The following PCDHGB4 variants were observed in gnomAD, a reference collection of about 807,000 sequenced individuals.
PCDHGB4 encodes the protein protocadherin gamma-B4.
In PCDHGB4, 38 loss-of-function variants were observed where a neutral mutation model predicts 60.5. The observed-to-expected ratio is 0.63, with a 90% confidence interval of 0.48 to 0.82. PCDHGB4 has a LOEUF of 0.82. Among genes scored for constraint, PCDHGB4 ranks in the 40% least tolerant of loss-of-function variants. PCDHGB4 has a pLI of 0.00. For synonymous variants in PCDHGB4, 456 were observed against 509.7 expected, an observed-to-expected ratio of 0.89 and a Z score of 1.42; for missense variants, 1,109 against 1,209.6, an observed-to-expected ratio of 0.92 and a Z score of 1.23.
At chr5:141,488,070 C>A (rs777154469) in intron 1 of PCDHGB4, among the ~76,000 whole-genome samples, 3 of 152,076 alleles carry the variant, frequency 2.0e-5, no homozygotes, top group Non-Finnish European at 1.5e-5. Context: ...TCTTTGTCTC[C>A]CAGTATCTAG....
rs373386803 is a variant in PCDHGB4 at position 141,388,721 on chromosome 5, C to A, written c.837C>A (p.Phe279Leu). ...AGGGTGTCAATGCCGAGATTACTTT[C>A]TCTTTCAGTGAAGCTAGCCAGATCA... ...QDEGVNAEIT[F>L]SFSEASQITQ... The change falls in exon 1 of 4, where the codon TTC becomes TTA. Residue 279 changes from phenylalanine to leucine, a missense_variant. This residue lies in a region of PCDHGB4 where 1,068 missense variants were observed against 1,089.9 expected (regional missense o/e 0.98). Transcript: ENST00000519479. The A allele has an allele frequency of 2.0e-5, 33 of 1,613,884 alleles. No homozygotes were observed. Among genetic ancestry groups the A allele is most frequent in the Non-Finnish European group, 2.7e-5 (32 of 1,179,904 alleles).
At chr5:141,497,020 C>T (rs138768677) in intron 2 of PCDHGB4, among the ~76,000 whole-genome samples, 8 of 152,122 alleles carry the variant, frequency 5.3e-5, no homozygotes, top group African/African-American at 1.7e-4. Flanking sequence ...GAAACCCCAT[C>T]TCGATTAAAA....
chr5:141,391,570 A>G (rs931571256), intron 1 of PCDHGB4: 4 of 152,236 alleles, frequency 2.6e-5, no homozygotes, highest in African/African-American at 7.2e-5. Context: ...TGCATAAGAA[A>G]ATATATTCAC....
intron 1 of PCDHGB4, among the ~76,000 whole-genome samples, chr5:141,488,554 T>C (rs1313975033): frequency 6.6e-6 from 1 of 152,064 alleles, no homozygotes; most frequent in African/African-American, 2.4e-5. Context: ...CAGCTGACAT[T>C]GAGATTTCCG....
chr5:141,389,635 A>G lies in PCDHGB4; in HGVS notation c.1751A>G (p.Tyr584Cys). ...DMVPHAAEPG[Y>C]LVTKVVAVDA... ...GTGCCGCACGCTGCAGAGCCTGGCT[A>G]CTTGGTGACCAAGGTAGTGGCGGTG... The change falls in exon 1 of 4, where the codon TAC becomes TGC. Residue 584 changes from tyrosine to cysteine, a missense_variant. Coordinates refer to ENST00000519479, the MANE Select transcript of PCDHGB4 (RefSeq NM_003736.4). 6.2e-7 allele frequency: 1 copy of G among 1,612,978 alleles called. No individual in the cohort carries two copies. The highest frequency in any genetic ancestry group is 8.5e-7 in the Non-Finnish European group (1 of 1,179,860).
chr5:141,421,054 A>C, intron 1 of PCDHGB4: 2 of 571,978 alleles, frequency 3.5e-6, no homozygotes, highest in Non-Finnish European at 6.0e-6. Context: ...CGCCTCTACC[A>C]CACAAAGCGG....
intron 1 of PCDHGB4, chr5:141,398,054 A>G (rs372627681): frequency 9.0e-5 from 136 of 1,518,912 alleles, no homozygotes; most frequent in Non-Finnish European, 1.0e-4. Context: ...CGGAGATCCA[A>G]AAATCTACAA....
intron 1 of PCDHGB4, chr5:141,442,112 C>CTCG (rs2098300474): frequency 6.0e-6 from 1 of 166,158 alleles, no homozygotes; most frequent in Admixed American, 6.5e-5. Context: ...ACTACCGCCC[C>CTCG]TCGTCGCCGA....
At chr5:141,408,059 C>T in intron 1 of PCDHGB4, 1 of 1,317,324 alleles carries the variant, frequency 7.6e-7, no homozygotes, top group Non-Finnish European at 1.0e-6. Flanking sequence ...AGCCTCCCGG[C>T]TGCGCAGACC....
At position 141,489,562 on chromosome 5, in the gene PCDHGB4, G is replaced by A. The variant is rs770734883; in HGVS notation, c.2398-5245G>A. ...CACCAGCTGCCTGCTGCCAGTGCAG[G>A]TGGTGACTGAACACCCCCTGGAGCT... On this transcript the variant is annotated intron_variant, in intron 1 of 3. Coordinates refer to ENST00000519479, the MANE Select transcript of PCDHGB4 (RefSeq NM_003736.4). The surrounding 1 kb of genome is among the most constrained non-coding windows in gnomAD (Gnocchi z 4.5). 2 of 1,614,114 alleles carry A rather than the reference G, an allele frequency of 1.2e-6. No homozygotes were observed. Among genetic ancestry groups the A allele is most frequent in the Non-Finnish European group, 1.7e-6 (2 of 1,180,028 alleles).
At chr5:141,404,521 G>A in intron 1 of PCDHGB4, 2 of 1,613,976 alleles carry the variant, frequency 1.2e-6, no homozygotes, top group Non-Finnish European at 1.7e-6. Flanking sequence ...TTGACTATGA[G>A]CAGTTTAGAG....
chr5:141,409,270 T>A (rs761773360), intron 1 of PCDHGB4: 6 of 1,613,996 alleles, frequency 3.7e-6, no homozygotes, highest in Non-Finnish European at 4.2e-6. Flanking sequence ...CTGATCAGAT[T>A]TTGGAGAATT....
At chr5:141,421,718 G>C (rs778263773) in intron 1 of PCDHGB4, 1 of 1,613,966 alleles carries the variant, frequency 6.2e-7, no homozygotes, top group Middle Eastern at 1.7e-4. Context: ...CCAGATGTGG[G>C]CGTGAACTCC....
chr5:141,412,805 A>G (rs2095578499), intron 1 of PCDHGB4, among the ~76,000 whole-genome samples: 1 of 152,246 alleles, frequency 6.6e-6, no homozygotes, highest in Non-Finnish European at 1.5e-5. Context: ...ACCTCCCCTA[A>G]GAAACCTACA....
chr5:141,425,943 C>T (rs2096904576), intron 1 of PCDHGB4, among the ~76,000 whole-genome samples: 1 of 152,220 alleles, frequency 6.6e-6, no homozygotes, highest in African/African-American at 2.4e-5. Flanking sequence ...TGTCTAGTTT[C>T]CTATACATTA....
Position 141,491,676 on chromosome 5 carries a change from T to C in PCDHGB4, c.2398-3131T>C. On this transcript the variant is annotated intron_variant, in intron 1 of 3. Coordinates refer to ENST00000519479, the MANE Select transcript of PCDHGB4 (RefSeq NM_003736.4). The surrounding 1 kb of genome is among the most constrained non-coding windows in gnomAD (Gnocchi z 6.9). ...AGCCTGACGCCATCCGGTCCCGCTC[T>C]AATACGCTGCGGGAGCGGAGCCAGG... 3.1e-6 allele frequency: 5 copies of C among 1,613,546 alleles called. No individual in the cohort carries two copies. Among genetic ancestry groups the C allele is most frequent in the Non-Finnish European group, 4.2e-6 (5 of 1,179,848 alleles).
chr5:141,487,751 G>A lies in PCDHGB4; in HGVS notation c.2398-7056G>A. ...CACCATTTTTGTAAGAGGTAACTAT[G>A]TGGTAGACGCTGTGCTTTGTAACTG... On this transcript the variant is annotated intron_variant, in intron 1 of 3. Coordinates refer to ENST00000519479, the MANE Select transcript of PCDHGB4 (RefSeq NM_003736.4). This position sits in a 1 kb window ranked among gnomAD's most constrained non-coding sequence, Gnocchi z 5.0. 1 of 1,555,004 alleles carries A rather than the reference G, an allele frequency of 6.4e-7. No homozygotes were observed.
intron 1 of PCDHGB4, chr5:141,410,555 C>G: frequency 1.2e-6 from 2 of 1,613,202 alleles, no homozygotes; most frequent in Non-Finnish European, 1.7e-6. Flanking sequence ...CAGTGTTTCT[C>G]CTGGAGCCTT....
At chr5:141,448,907 T>G (rs1253773780) in intron 1 of PCDHGB4, among the ~76,000 whole-genome samples, 1 of 152,178 alleles carries the variant, frequency 6.6e-6, no homozygotes, top group African/African-American at 2.4e-5. Flanking sequence ...ATCGTGCCAC[T>G]GCACTCCAGC....
Sources: allele counts gnomAD v4.1 joint callset (sites outside exome capture counted in the v4.1 genomes callset), GRCh38; gene constraint gnomAD v4.1.1; regional missense constraint gnomAD v4.1.1; non-coding constraint Gnocchi (gnomAD v3.1); transcripts MANE v1.5; gene names NCBI Gene and HGNC (gene_info 2026-07-23, HGNC 2026-07-21).